The following IGF1 variants were observed in gnomAD, a reference collection of about 807,000 sequenced individuals.
The protein encoded by IGF1 is insulin like growth factor 1.
A neutral mutation model predicts 13.8 loss-of-function variants in IGF1; 4 were observed. That is an observed-to-expected ratio of 0.29 (90% confidence interval 0.14 to 0.66). IGF1 has a LOEUF of 0.66. Ranked by LOEUF, IGF1 falls within the 30% of genes least tolerant of loss-of-function variation. IGF1 has a pLI of 0.78. For synonymous variants in IGF1, 76 were observed against 72.6 expected (o/e 1.05, Z -0.23); for missense variants, 124 against 188.5 (o/e 0.66, Z 2.00).
intron 2 of IGF1, among the ~76,000 whole-genome samples, chr12:102,465,010 CTT>C (rs1236659737): frequency 1.3e-5 from 2 of 152,168 alleles, no homozygotes; most frequent in African/African-American, 4.8e-5. Context: ...GGCCCCATCT[CTT>C]TGCTGCTTCT....
chr12:102,466,322 G>A (rs574877465), intron 2 of IGF1, among the ~76,000 whole-genome samples: 8 of 152,254 alleles, frequency 5.3e-5, no homozygotes, highest in Non-Finnish European at 1.2e-4. Context: ...CTCTCTTCTG[G>A]AGACTTGTCT....
In IGF1 at chr12:102,397,022, A is replaced by G. The variant is rs1019769244; in HGVS notation, c.*5485T>C. ...TTGAGACCAACCTGGCCAACATGGT[A>G]AAACCCCGTCTCTATTAAAAATCCA... On this transcript the variant is annotated 3_prime_UTR_variant, in exon 4 of 4. Coordinates refer to ENST00000337514, the MANE Select transcript of IGF1 (RefSeq NM_000618.5). 2.1e-5 allele frequency: 8 copies of G among 388,214 alleles called. No individual in the cohort carries two copies. Among genetic ancestry groups the G allele is most frequent in the Non-Finnish European group, 3.2e-5 (7 of 219,932 alleles). 24.0% of individuals were successfully genotyped at this position (388,214 alleles called of 1,614,324 possible).
chr12:102,400,033 A>T lies in IGF1; in HGVS notation c.*2474T>A, dbSNP rs1873547931. On this transcript the variant is annotated 3_prime_UTR_variant, in exon 4 of 4. Transcript: ENST00000337514. The stretch of plus-strand genomic sequence containing the variant: ...ATGCTTGAGGTGCTCAATTCAAATA[A>T]TGTTGGACTGAGAGTTAAAATACTT... 1 of 152,074 alleles carries T rather than the reference A, an allele frequency of 6.6e-6. No homozygotes were observed. The highest frequency in any genetic ancestry group is 2.4e-5 in the African/African-American group (1 of 41,420). 9.4% of individuals were successfully genotyped at this position (152,074 alleles called of 1,614,324 possible). A position where few individuals can be genotyped will look rare whatever the true frequency, so the allele number is the denominator to read the frequency against.
At chr12:102,475,528 G>T in intron 2 of IGF1, 115 bp downstream of exon 2, 1 of 1,211,678 alleles carries the variant, frequency 8.3e-7, no homozygotes, top group Non-Finnish European at 1.2e-6. Flanking sequence ...AGAGGCCTAG[G>T]ATGGCTGCCA....
chr12:102,446,319 C>A (rs1205901768), intron 2 of IGF1, among the ~76,000 whole-genome samples: 1 of 152,052 alleles, frequency 6.6e-6, no homozygotes, highest in Non-Finnish European at 1.5e-5. Flanking sequence ...CTTTGTACCT[C>A]TGGTAGAATT....
intron 2 of IGF1, among the ~76,000 whole-genome samples, chr12:102,436,827 G>T (rs1287237133): frequency 2.6e-5 from 4 of 152,212 alleles, no homozygotes; most frequent in African/African-American, 9.7e-5. Context: ...ATAAGTGGCA[G>T]GAAGAAGGCA....
At chr12:102,453,141 T>C (rs943566467) in intron 2 of IGF1, among the ~76,000 whole-genome samples, 6 of 152,194 alleles carry the variant, frequency 3.9e-5, no homozygotes, top group African/African-American at 1.4e-4. Context: ...TGCTTTTGCC[T>C]TTAGAAGCAC....
chr12:102,421,579 A>G (rs1264198671), intron 2 of IGF1, among the ~76,000 whole-genome samples: 2 of 152,168 alleles, frequency 1.3e-5, no homozygotes, highest in South Asian at 2.1e-4. Context: ...TTTGCCCATT[A>G]CAGGTAATGA....
Position 102,401,993 on chromosome 12 carries a change from A to G in IGF1, c.*514T>C, listed in dbSNP as rs1873718688. ...GCTTTTGAGGAGGCCAAATTCGGCAAATATAAAGGTTATGAAGGGAGGTGG... is the reference window on the plus strand; with the variant it reads ...GCTTTTGAGGAGGCCAAATTCGGCAGATATAAAGGTTATGAAGGGAGGTGG... On this transcript the variant is annotated 3_prime_UTR_variant, in exon 4 of 4. Coordinates refer to ENST00000337514, the MANE Select transcript of IGF1 (RefSeq NM_000618.5). 1 of 152,686 alleles carries G rather than the reference A, an allele frequency of 6.5e-6. No individual in the cohort carries two copies. 9.5% of individuals were successfully genotyped at this position (152,686 alleles called of 1,614,324 possible).
chr12:102,417,210 CA>C (rs1875219212), intron 3 of IGF1, among the ~76,000 whole-genome samples: 1 of 60,128 alleles, frequency 1.7e-5, no homozygotes, highest in African/African-American at 7.1e-5. Context: ...TTCCAAAGTG[CA>C]AAAAAGATGA....
intron 2 of IGF1, among the ~76,000 whole-genome samples, chr12:102,435,959 C>T (rs1316005891): frequency 1.3e-5 from 2 of 152,148 alleles, no homozygotes; most frequent in Admixed American, 6.5e-5. Flanking sequence ...ATATAATATA[C>T]GATCACGTCC....
chr12:102,458,058 A>G (rs1237988204), intron 2 of IGF1, among the ~76,000 whole-genome samples: 1 of 152,202 alleles, frequency 6.6e-6, no homozygotes, highest in Admixed American at 6.5e-5. Context: ...GTCAAAATTC[A>G]CTAAGTTGGA....
At chr12:102,441,958 T>TTCTTCTTCTTCTTCCTCTTC (rs1180940405) in intron 2 of IGF1, among the ~76,000 whole-genome samples, 1 of 41,162 alleles carries the variant, frequency 2.4e-5, no homozygotes, top group African/African-American at 1.0e-4. Context: ...TCTTCTTCTT[T>TTCTTCTTCTTCTTCCTCTTC]TTTTTTTTTG....
At chr12:102,450,540 A>G (rs1301455672) in intron 2 of IGF1, among the ~76,000 whole-genome samples, 1 of 152,160 alleles carries the variant, frequency 6.6e-6, no homozygotes, top group Non-Finnish European at 1.5e-5. Context: ...AGATTTTTCA[A>G]TCTCTTCTTC....
At position 102,417,834 on chromosome 12, in the gene IGF1, C is replaced by T. The variant is rs1380382943; in HGVS notation, c.402+1675G>A. 5 of 1,613,236 alleles carry T rather than the reference C, an allele frequency of 3.1e-6. No homozygotes were observed. In the African/African-American group the frequency reaches 4.0e-5, roughly 13 times the overall value. ...TCCTGTCCTTCATTTTCCTTTTTTG[C>T]CTCTGCATTCAGCATTTCTACTTCC... On this transcript the variant is annotated intron_variant, in intron 3 of 3. Transcript: ENST00000337514.
intron 2 of IGF1, among the ~76,000 whole-genome samples, chr12:102,461,413 C>G (rs1265003330): frequency 3.3e-5 from 5 of 152,114 alleles, no homozygotes; most frequent in African/African-American, 1.2e-4. Flanking sequence ...ACCTTAAAAC[C>G]ATTTCTCTAA....
intron 2 of IGF1, among the ~76,000 whole-genome samples, chr12:102,461,321 C>T (rs1049639119): frequency 1.3e-5 from 2 of 152,108 alleles, no homozygotes; most frequent in African/African-American, 2.4e-5. Flanking sequence ...CGTAAAGACC[C>T]GAAGCCAGCT....
chr12:102,409,753 AT>A (rs1364991569), intron 3 of IGF1, among the ~76,000 whole-genome samples: 6 of 152,226 alleles, frequency 3.9e-5, no homozygotes, highest in Admixed American at 6.5e-5. Flanking sequence ...TTTCCTGTCT[AT>A]ACAATAGTGA....
At chr12:102,449,243 T>C (rs965589025) in intron 2 of IGF1, among the ~76,000 whole-genome samples, 1 of 152,108 alleles carries the variant, frequency 6.6e-6, no homozygotes, top group East Asian at 1.9e-4. Flanking sequence ...TTCGTGTTCC[T>C]TGAAGGGACA....
Sources: allele counts gnomAD v4.1 joint callset (sites outside exome capture counted in the v4.1 genomes callset), GRCh38; gene constraint gnomAD v4.1.1; transcripts MANE v1.5; gene names NCBI Gene and HGNC (gene_info 2026-07-23, HGNC 2026-07-21).